The following CHRM3 variants were observed in gnomAD, a reference collection of about 807,000 sequenced individuals.
CHRM3 encodes the protein muscarinic acetylcholine receptor M3.
Under a neutral mutation model 41.8 loss-of-function variants are expected in CHRM3, and 11 were observed. The observed-to-expected ratio is 0.26, with a 90% CI of 0.17 to 0.44. CHRM3 has a LOEUF of 0.44. CHRM3 is among the 20% of genes least tolerant of loss of function. The pLI is 1.00. For synonymous variants in CHRM3, 297 were observed against 301.4 expected (o/e 0.99, Z 0.15); for missense variants, 571 against 745.4 (o/e 0.77, Z 2.72).
intron 5 of CHRM3, among the ~76,000 whole-genome samples, chr1:239,786,540 T>C (rs1040817376): frequency 6.6e-6 from 1 of 152,266 alleles, no homozygotes; most frequent in Non-Finnish European, 1.5e-5. Flanking sequence ...AGCTCGTAAA[T>C]CTGTTTAGCT....
chr1:239,713,980 T>C (rs1256847323), intron 5 of CHRM3, among the ~76,000 whole-genome samples: 1 of 152,190 alleles, frequency 6.6e-6, no homozygotes, highest in East Asian at 1.9e-4. Context: ...TTCTTTCATA[T>C]CATTTGGGTA....
At chr1:239,535,863 G>A (rs1331574928) in intron 2 of CHRM3, among the ~76,000 whole-genome samples, 4 of 152,126 alleles carry the variant, frequency 2.6e-5, no homozygotes, top group African/African-American at 9.7e-5. Context: ...CCATTGACCT[G>A]AGCTGTCGGG....
intron 5 of CHRM3, among the ~76,000 whole-genome samples, chr1:239,678,825 T>G (rs112362323): frequency 1.1e-4 from 16 of 152,304 alleles, no homozygotes; most frequent in African/African-American, 3.8e-4. Flanking sequence ...AGTTATTCCC[T>G]TCATGTATGC....
intron 3 of CHRM3, among the ~76,000 whole-genome samples, chr1:239,561,120 C>T (rs566490261): frequency 6.6e-6 from 1 of 152,262 alleles, no homozygotes; most frequent in African/African-American, 2.4e-5. Context: ...AGGTAGTAAC[C>T]TTTCACCTGT....
chr1:239,428,878 G>A (rs4557960), intron 1 of CHRM3, among the ~76,000 whole-genome samples: 85,505 of 152,114 alleles, frequency 0.56, 24,339 homozygotes, highest in South Asian at 0.63. Flanking sequence ...TAGCATAAGC[G>A]TTCTCCATAT....
chr1:239,705,956 A>G (rs1661118607), intron 5 of CHRM3, among the ~76,000 whole-genome samples: 1 of 151,862 alleles, frequency 6.6e-6, no homozygotes, highest in Non-Finnish European at 1.5e-5. Context: ...GAGATTAAAA[A>G]TAAAAGAGAA....
At chr1:239,404,092 T>C (rs1313533316) in intron 1 of CHRM3, among the ~76,000 whole-genome samples, 1 of 145,828 alleles carries the variant, frequency 6.9e-6, no homozygotes, top group Non-Finnish European at 1.5e-5. Flanking sequence ...ATCGAGACCA[T>C]CCTGGCTAAC....
chr1:239,604,822 A>T (rs762793727), intron 3 of CHRM3, among the ~76,000 whole-genome samples: 5 of 152,254 alleles, frequency 3.3e-5, no homozygotes, highest in Non-Finnish European at 7.4e-5. Context: ...GTGCTAACTG[A>T]TATTTTAGAA....
chr1:239,636,521 C>T (rs1319583258), intron 4 of CHRM3, among the ~76,000 whole-genome samples: 3 of 152,110 alleles, frequency 2.0e-5, no homozygotes, highest in East Asian at 1.9e-4. Context: ...GATATAGCCT[C>T]GTGGTTACAT....
intron 1 of CHRM3, among the ~76,000 whole-genome samples, chr1:239,426,163 C>G (rs1471903286): frequency 1.7e-5 from 2 of 116,184 alleles, no homozygotes; most frequent in Non-Finnish European, 3.5e-5. Flanking sequence ...CTCCCCCCAC[C>G]CCACAACAGG....
chr1:239,772,687 T>C (rs1667786786), intron 5 of CHRM3, among the ~76,000 whole-genome samples: 1 of 152,126 alleles, frequency 6.6e-6, no homozygotes, highest in African/African-American at 2.4e-5. Flanking sequence ...TTGCAAATTC[T>C]CCTACCCCAC....
chr1:239,909,261 C>T lies in CHRM3; in HGVS notation c.*37C>T. On this transcript the variant is annotated 3_prime_UTR_variant, in exon 7 of 7. Transcript: ENST00000676153. ...ATCAATAGCAGTGACAAAACGCACA[C>T]ATCAACCCACAGACCTTAGGAGGAG... 6.4e-7 allele frequency: 1 copy of T among 1,556,386 alleles called. No individual in the cohort carries two copies. Among genetic ancestry groups the T allele is most frequent in the African/African-American group, 1.4e-5 (1 of 73,522 alleles).
rs1572674310 is a variant in CHRM3, at chr1:239,914,408, G to A, written c.*5184G>A. ...CACATCAATGTCCCATGCTGCTACT[G>A]TAGTCAGGAGTTATTTGGCTGGGAA... On this transcript the variant is annotated 3_prime_UTR_variant, in exon 7 of 7. Transcript: ENST00000676153. 1 of 167,016 alleles carries A rather than the reference G, an allele frequency of 6.0e-6. No homozygotes were observed. Among genetic ancestry groups the A allele is most frequent in the African/African-American group, 2.4e-5 (1 of 41,414 alleles). 10.3% of individuals were successfully genotyped at this position (167,016 alleles called of 1,614,324 possible). A position where few individuals can be genotyped will look rare whatever the true frequency, so the allele number is the denominator to read the frequency against.
chr1:239,642,594 C>T (rs1270362901), intron 4 of CHRM3, among the ~76,000 whole-genome samples: 4 of 152,166 alleles, frequency 2.6e-5, no homozygotes, highest in Non-Finnish European at 5.9e-5. Context: ...ACATAGTTCT[C>T]GAGCCTTGGC....
At chr1:239,752,456 A>G (rs538390614) in intron 5 of CHRM3, among the ~76,000 whole-genome samples, 3 of 152,070 alleles carry the variant, frequency 2.0e-5, no homozygotes, top group Non-Finnish European at 4.4e-5. Flanking sequence ...TCTAGTTTTG[A>G]TTTTTTTCTC....
At chr1:239,716,242 G>A (rs1406990741) in intron 5 of CHRM3, among the ~76,000 whole-genome samples, 1 of 151,966 alleles carries the variant, frequency 6.6e-6, no homozygotes, top group Admixed American at 6.6e-5. Context: ...ATATGAATGA[G>A]GTTGTAGAAC....
At chr1:239,599,710 A>T (rs1665274924) in intron 3 of CHRM3, among the ~76,000 whole-genome samples, 1 of 152,164 alleles carries the variant, frequency 6.6e-6, no homozygotes, top group South Asian at 2.1e-4. Context: ...AGCCTACCTT[A>T]AACACGCCCA....
intron 4 of CHRM3, among the ~76,000 whole-genome samples, chr1:239,638,383 T>C (rs1218415948): frequency 4.6e-5 from 7 of 152,058 alleles, no homozygotes; most frequent in African/African-American, 1.7e-4. Flanking sequence ...CCACCAGCAG[T>C]GTAAAATTGT....
chr1:239,664,410 T>C (rs1673555269), intron 4 of CHRM3, among the ~76,000 whole-genome samples: 3 of 152,248 alleles, frequency 2.0e-5, no homozygotes, highest in Non-Finnish European at 2.9e-5. Context: ...CAGGGCTTCC[T>C]ACATACCTCT....
Sources: allele counts gnomAD v4.1 joint callset (sites outside exome capture counted in the v4.1 genomes callset), GRCh38; gene constraint gnomAD v4.1.1; transcripts MANE v1.5; gene names NCBI Gene and HGNC (gene_info 2026-07-23, HGNC 2026-07-21).